Variants in MMP8 observed in about 807,000 individuals in gnomAD.
MMP8 encodes the protein matrix metallopeptidase 8, also known as neutrophil collagenase.
A neutral mutation model predicts 51.2 loss-of-function variants in MMP8; 67 were observed. The observed-to-expected ratio is 1.31, with a 90% CI of 1.08 to 1.60. The LOEUF is 1.60. Ranked by LOEUF, MMP8 falls within the 40% of genes most tolerant of loss-of-function variation. The probability of loss-of-function intolerance (pLI) is 0.00; values close to 1 mark genes in which losing one functional copy is unlikely to be tolerated. For synonymous variants in MMP8, 225 were observed against 191.0 expected (o/e 1.18, Z -1.47); for missense variants, 654 against 558.1 (o/e 1.17, Z -1.73).
chr11:102,716,618 G>A (rs1260727843), intron 5 of MMP8, among the ~76,000 whole-genome samples, 199 bp from the exon 6 acceptor site: 1 of 152,042 alleles, frequency 6.6e-6, no homozygotes, highest in Non-Finnish European at 1.5e-5. Context: ...TAAGAGTAAT[G>A]ATGGTTTTCA....
chr11:102,718,591 G>T lies in MMP8; in HGVS notation c.623-16C>A. On this transcript the variant is annotated splice_polypyrimidine_tract_variant and intron_variant, in intron 4 of 9. Transcript: ENST00000236826. The stretch of plus-strand genomic sequence containing the variant: ...AAGTTGTAATCTGAAATGCAAACAC[G>T]GGTGGTAAACAGCTCAGTGTGGATC... The T allele has an allele frequency of 1.2e-6, 2 of 1,613,658 alleles. No individual in the cohort carries two copies. The highest frequency in any genetic ancestry group is 1.7e-6 in the Non-Finnish European group (2 of 1,179,712).
Position 102,712,115 on chromosome 11 carries a change from T to C in MMP8, c.*1233A>G, listed in dbSNP as rs1861141131. On this transcript the variant is annotated 3_prime_UTR_variant, in exon 10 of 10. Transcript: ENST00000236826. ...ACTTACACATCTAAGCTCAGTTTAA[T>C]GCAACTTAATGAGACATTGAATTTT... The C allele has an allele frequency of 1.3e-5, 2 of 152,222 alleles. No homozygotes were observed. The highest frequency in any genetic ancestry group is 2.1e-4 in the South Asian group (1 of 4,836). The allele number at this position is 152,222 out of a possible 1,614,324, so 9.4% of individuals were successfully genotyped here. A position where few individuals can be genotyped will look rare whatever the true frequency, so the allele number is the denominator to read the frequency against.
chr11:102,720,924 A>G (rs1343829094), intron 4 of MMP8, among the ~76,000 whole-genome samples: 1 of 152,200 alleles, frequency 6.6e-6, no homozygotes, highest in Non-Finnish European at 1.5e-5. Context: ...CTCTTTTCAA[A>G]CATCACTAAA....
Position 102,724,952 on chromosome 11 carries a change from G to A in MMP8, c.-97C>T. On this transcript the variant is annotated 5_prime_UTR_variant, in exon 1 of 10. Coordinates refer to ENST00000236826, the MANE Select transcript of MMP8 (RefSeq NM_002424.3). ...CACCCTGACGTTCACAGCATCATGTGTCACTCACAGCTCTCTTGCAGTCCT... is the reference window on the plus strand; with the variant it reads ...CACCCTGACGTTCACAGCATCATGTATCACTCACAGCTCTCTTGCAGTCCT... 7.1e-7 allele frequency: 1 copy of A among 1,404,726 alleles called. No homozygotes were observed. The highest frequency in any genetic ancestry group is 9.5e-7 in the Non-Finnish European group (1 of 1,058,108). 87.0% of individuals were successfully genotyped at this position (1,404,726 alleles called of 1,614,324 possible).
chr11:102,720,701 G>T (rs954552028), intron 4 of MMP8, among the ~76,000 whole-genome samples: 1 of 152,192 alleles, frequency 6.6e-6, no homozygotes, highest in South Asian at 2.1e-4. Context: ...GAAAGGAGTG[G>T]CTTGCTGTAC....
chr11:102,718,314 G>C, intron 5 of MMP8, 100 bp downstream of exon 5: 2 of 1,258,110 alleles, frequency 1.6e-6, no homozygotes, highest in South Asian at 2.9e-5. Flanking sequence ...CAGTTTTATG[G>C]AAACTGCAGA....
intron 4 of MMP8, 141 bp downstream of exon 4, chr11:102,721,260 G>C: frequency 8.3e-7 from 1 of 1,205,436 alleles, no homozygotes; most frequent in Non-Finnish European, 1.1e-6. Flanking sequence ...AGTATCATGA[G>C]GTAGCAAAAA....
In MMP8 at chr11:102,721,616, C is replaced by G; in HGVS notation, c.494G>C (p.Arg165Thr). 1 of 1,613,780 alleles carries G rather than the reference C, an allele frequency of 6.2e-7. No homozygotes were observed. The highest frequency in any genetic ancestry group is 8.5e-7 in the Non-Finnish European group (1 of 1,179,796). ...EADINIAFYQ[R>T]DHGDNSPFDG... ...GAGCATGACTGCTTTGTACCTACCTCTTTGGTAAAAAGCAATGTTGATATC... is the reference window on the plus strand; with the variant it reads ...GAGCATGACTGCTTTGTACCTACCTGTTTGGTAAAAAGCAATGTTGATATC... Residue 165 changes from arginine to threonine, a missense_variant and splice_region_variant, in exon 3 of 10, where the codon AGA (arginine) becomes ACA (threonine). Arg to Thr is a moderately conservative substitution (Grantham distance 71, BLOSUM62 -1). Coordinates refer to ENST00000236826, the MANE Select transcript of MMP8 (RefSeq NM_002424.3).
intron 5 of MMP8, among the ~76,000 whole-genome samples, chr11:102,717,725 C>T (rs1340059036): frequency 6.6e-6 from 1 of 152,188 alleles, no homozygotes; most frequent in Non-Finnish European, 1.5e-5. Flanking sequence ...TACATGTCCC[C>T]TTATGGATCT....
chr11:102,715,413 C>T lies in MMP8; in HGVS notation c.927G>A (p.Gln309=), dbSNP rs1861262314. The change falls in exon 7 of 10, where the codon CAG becomes CAA. Residue 309 remains glutamine, a synonymous_variant. Transcript: ENST00000236826. Reference sequence around the variant, plus strand: ...TAAAATTCATTTCGACTCTTTGTAGCTGAGGATGCCTTCTCCAGAAGTACC... The same window carrying T: ...TAAAATTCATTTCGACTCTTTGTAGTTGAGGATGCCTTCTCCAGAAGTACC... The part of the protein sequence containing the change: ...KDRYFWRRHP[Q]LQRVEMNFIS... The T allele has an allele frequency of 6.2e-7, 1 of 1,613,394 alleles. No homozygotes were observed. Among genetic ancestry groups the T allele is most frequent in the African/African-American group, 1.3e-5 (1 of 74,990 alleles).
chr11:102,713,827 T>A lies in MMP8; in HGVS notation c.1221A>T (p.Pro407=), dbSNP rs760225991. The change falls in exon 9 of 10, where the codon CCA becomes CCT. Residue 407 remains proline, a synonymous_variant. Coordinates refer to ENST00000236826, the MANE Select transcript of MMP8 (RefSeq NM_002424.3). ...RYDNQRQFME[P]GYPKSISGAF... is the part of the protein sequence containing the mutation. ...CACCTGATATGCTTTTGGGATAACC[T>A]GGCTCCATGAATTGTCTTTGGTTAT... 3.1e-6 allele frequency: 5 copies of A among 1,612,166 alleles called. No homozygotes were observed. The highest frequency in any genetic ancestry group is 1.7e-4 in the Middle Eastern group (1 of 6,046).
chr11:102,720,828 G>A (rs1042161100), intron 4 of MMP8, among the ~76,000 whole-genome samples: 2 of 150,288 alleles, frequency 1.3e-5, no homozygotes, highest in African/African-American at 4.9e-5. Flanking sequence ...ATTTCTAAAT[G>A]AATTTCCAAA....
In MMP8 at chr11:102,721,538, A is replaced by T; in HGVS notation, c.497-12T>A. 6.2e-7 allele frequency: 1 copy of T among 1,613,810 alleles called. No individual in the cohort carries two copies. The highest frequency in any genetic ancestry group is 8.5e-7 in the Non-Finnish European group (1 of 1,179,786). Reference sequence around the variant, plus strand: ...ATTGTCACCGTGATCTGAAATAAGAACATTTGTATTAGATCCTTGCCAAGT... The same window carrying T: ...ATTGTCACCGTGATCTGAAATAAGATCATTTGTATTAGATCCTTGCCAAGT... On this transcript the variant is annotated splice_polypyrimidine_tract_variant and intron_variant, in intron 3 of 9. Transcript: ENST00000236826.
chr11:102,720,505 A>G (rs1470453095), intron 4 of MMP8, among the ~76,000 whole-genome samples: 1 of 152,238 alleles, frequency 6.6e-6, no homozygotes, highest in African/African-American at 2.4e-5. Context: ...CCATGTTGAG[A>G]AAATGGCAGG....
chr11:102,720,381 G>T (rs189162868), intron 4 of MMP8, among the ~76,000 whole-genome samples: 1 of 152,110 alleles, frequency 6.6e-6, no homozygotes, highest in South Asian at 2.1e-4. Flanking sequence ...ATGATCATCC[G>T]AACTAGTGAG....
chr11:102,722,335 T>G, intron 2 of MMP8, 94 bp downstream of exon 2: 1 of 1,299,026 alleles, frequency 7.7e-7, no homozygotes, highest in Non-Finnish European at 1.1e-6. Flanking sequence ...ATTTATCTAC[T>G]TGTTCCTAGT....
Position 102,716,381 on chromosome 11 carries a change from T to G in MMP8, c.823A>C (p.Thr275Pro), listed in dbSNP as rs1161228528. The change falls in exon 6 of 10, where the codon ACA becomes CCA. Residue 275 changes from threonine to proline, a missense_variant. Physicochemically the swap from Thr to Pro is conservative, Grantham distance 38. Transcript: ENST00000236826. Reference sequence around the variant, plus strand: ...AAACTGGGGTCACAGGGTTTGGGTGTGCTTGGTCCAGTAGGTTGGATAGGG... The same window carrying G: ...AAACTGGGGTCACAGGGTTTGGGTGGGCTTGGTCCAGTAGGTTGGATAGGG... ...SNPIQPTGPS[T>P]PKPCDPSLTF... is the part of the protein sequence containing the mutation. The G allele has an allele frequency of 1.3e-6, 2 of 1,586,738 alleles. No homozygotes were observed. Among genetic ancestry groups the G allele is most frequent in the Non-Finnish European group, 1.7e-6 (2 of 1,169,038 alleles).
At chr11:102,724,704 T>C (rs774596144) in intron 1 of MMP8, 50 bp downstream of exon 1, 2 of 1,481,698 alleles carry the variant, frequency 1.3e-6, no homozygotes, top group East Asian at 2.3e-5. Context: ...ACCCACACTA[T>C]TTCCTAATAA....
chr11:102,722,694 AG>A (rs1195067330), intron 1 of MMP8, 21 bp from the exon 2 acceptor site: 5 of 1,611,350 alleles, frequency 3.1e-6, no homozygotes, highest in Non-Finnish European at 4.2e-6. Flanking sequence ...ACAAGCACAT[AG>A]GGGTCTTGCT....
Sources: allele counts gnomAD v4.1 joint callset (sites outside exome capture counted in the v4.1 genomes callset), GRCh38; gene constraint gnomAD v4.1.1; transcripts MANE v1.5; gene names NCBI Gene and HGNC (gene_info 2026-07-23, HGNC 2026-07-21).